Variants in ABCC1 observed in about 807,000 individuals in gnomAD.
ABCC1 encodes ATP binding cassette subfamily C member 1 (ABCC1 blood group), also known as multidrug resistance-associated protein 1.
A neutral mutation model predicts 172.9 loss-of-function variants in ABCC1; 83 were observed. That is an observed-to-expected ratio of 0.48 (90% confidence interval 0.40 to 0.58). The LOEUF is 0.58. Ranked by LOEUF, ABCC1 falls within the 20% of genes least tolerant of loss-of-function variation. ABCC1 has a pLI of 0.00. For synonymous variants in ABCC1, 937 were observed against 825.2 expected, an observed-to-expected ratio of 1.14 and a Z score of -2.32; for missense variants, 1,817 against 2,002.7, an observed-to-expected ratio of 0.91 and a Z score of 1.77.
chr16:16,088,713 T>C (rs7498869), intron 18 of ABCC1, among the ~76,000 whole-genome samples: 13 of 119,398 alleles, frequency 1.1e-4, no homozygotes, highest in Non-Finnish European at 1.3e-4. Context: ...GTATTTTTTT[T>C]CTTTTTTTTT....
chr16:16,115,593 C>G (rs1055952746), intron 23 of ABCC1, among the ~76,000 whole-genome samples: 1 of 152,082 alleles, frequency 6.6e-6, no homozygotes, highest in African/African-American at 2.4e-5. Context: ...GTGATCCACC[C>G]ACCTCGACCT....
intron 22 of ABCC1, 140 bp downstream of exon 22, chr16:16,111,722 C>G (rs981307266): frequency 1.9e-5 from 13 of 699,038 alleles, no homozygotes; most frequent in Non-Finnish European, 3.1e-5. Flanking sequence ...TAGCTGTCAG[C>G]TAGTAGACAC....
intron 17 of ABCC1, 131 bp downstream of exon 17, chr16:16,083,673 C>CAGCG: frequency 2.5e-6 from 3 of 1,178,964 alleles, no homozygotes; most frequent in Non-Finnish European, 3.6e-6. Context: ...GGCGGCTCTG[C>CAGCG]TGCACGCTGC....
At chr16:16,114,644 C>CAGT in intron 22 of ABCC1, 122 bp from the exon 23 acceptor site, 2 of 922,310 alleles carry the variant, frequency 2.2e-6, no homozygotes, top group Non-Finnish European at 3.1e-6. Flanking sequence ...CCTGGTTCAT[C>CAGT]ATTATTATTA....
intron 19 of ABCC1, among the ~76,000 whole-genome samples, chr16:16,101,733 C>T (rs956169237): frequency 1.3e-5 from 2 of 152,132 alleles, no homozygotes; most frequent in Admixed American, 1.3e-4. Flanking sequence ...TTATTGTGAA[C>T]CGGGAAAGAG....
chr16:16,072,839 C>T (rs552315856), intron 14 of ABCC1, among the ~76,000 whole-genome samples: 47 of 151,230 alleles, frequency 3.1e-4, no homozygotes, highest in Non-Finnish European at 4.6e-4. Context: ...GTCAGGAGTT[C>T]GAGATCAGCC....
chr16:16,100,399 G>A (rs1485870114), intron 19 of ABCC1, among the ~76,000 whole-genome samples: 1 of 152,160 alleles, frequency 6.6e-6, no homozygotes, highest in Non-Finnish European at 1.5e-5. Context: ...CCTCCAGATG[G>A]GGGTCCCTGG....
In ABCC1 at chr16:15,999,819, T is replaced by TCTCTCTC. The variant is rs1555478368; in HGVS notation, c.49-7996_49-7990dup. The stretch of plus-strand genomic sequence containing the variant: ...TCTCTCTCTCTCTCTCCTCTCTCTC[T>TCTCTCTC]CTCTCTCTCTCTCTGTCTCTTTCTT... On this transcript the variant is annotated intron_variant, in intron 1 of 30. Transcript: ENST00000399410. Among the ~76,000 whole-genome samples the TCTCTCTC allele has an allele frequency of 1.2e-3, 80 of 68,640 alleles. 4 individuals are homozygous for TCTCTCTC. The highest frequency in any genetic ancestry group is 3.8e-3 in the African/African-American group (79 of 20,744). 45.0% of individuals were successfully genotyped at this position (68,640 alleles called of 152,430 possible).
chr16:16,078,973 G>A (rs529608703), intron 15 of ABCC1, among the ~76,000 whole-genome samples: 4 of 152,300 alleles, frequency 2.6e-5, no homozygotes, highest in East Asian at 1.9e-4. Flanking sequence ...ATGAGCTACC[G>A]TGTCCGGCCC....
At chr16:16,108,463 G>A (rs921859316) in intron 21 of ABCC1, among the ~76,000 whole-genome samples, 4 of 151,376 alleles carry the variant, frequency 2.6e-5, no homozygotes, top group South Asian at 2.1e-4. Context: ...TAGAGATGGC[G>A]TTTCACTATG....
chr16:16,032,918 A>G (rs964007603), intron 5 of ABCC1, among the ~76,000 whole-genome samples, 191 bp from the exon 6 acceptor site: 1 of 152,182 alleles, frequency 6.6e-6, no homozygotes, highest in Non-Finnish European at 1.5e-5. Context: ...TGAAACTGGA[A>G]GAGCTGCCAT....
At chr16:16,067,328 C>G (rs1303740010) in intron 12 of ABCC1, among the ~76,000 whole-genome samples, 1 of 152,170 alleles carries the variant, frequency 6.6e-6, no homozygotes, top group Non-Finnish European at 1.5e-5. Context: ...AATGTCAGAG[C>G]CAGAACACGA....
intron 1 of ABCC1, among the ~76,000 whole-genome samples, chr16:15,998,573 G>C (rs140409922): frequency 1.3e-5 from 2 of 152,168 alleles, no homozygotes; most frequent in Admixed American, 6.6e-5. Context: ...ATTTCCTCTC[G>C]TCATGCCTTC....
intron 7 of ABCC1, among the ~76,000 whole-genome samples, chr16:16,043,241 TTTC>T (rs1472015901): frequency 2.8e-5 from 4 of 144,450 alleles, no homozygotes; most frequent in Admixed American, 2.1e-4. Context: ...TTTTTTTTTT[TTTC>T]CACTGATGTA....
At chr16:16,008,916 T>C (rs536368353) in intron 2 of ABCC1, among the ~76,000 whole-genome samples, 1 of 148,558 alleles carries the variant, frequency 6.7e-6, no homozygotes, top group East Asian at 2.0e-4. Context: ...CCATCACTCA[T>C]AGTCACTGTT....
intron 3 of ABCC1, among the ~76,000 whole-genome samples, chr16:16,012,555 A>C (rs749782415): frequency 2.0e-5 from 3 of 150,124 alleles, no homozygotes; most frequent in Non-Finnish European, 3.0e-5. Context: ...GGCTAGTCTT[A>C]AACTCCCGAG....
chr16:16,070,523 G>A (rs2050303451), intron 13 of ABCC1, among the ~76,000 whole-genome samples: 1 of 152,060 alleles, frequency 6.6e-6, no homozygotes, highest in Admixed American at 6.6e-5. Flanking sequence ...AAATTAGCCA[G>A]GTGTGGTGGC....
At chr16:15,982,824 A>AAAAAAAAAAAAAC (rs2046655505) in intron 1 of ABCC1, among the ~76,000 whole-genome samples, 1 of 144,738 alleles carries the variant, frequency 6.9e-6, no homozygotes, top group Admixed American at 6.9e-5. Context: ...AAAAAAAAAA[A>AAAAAAAAAAAAAC]GGAAATCCAT....
At chr16:16,127,568 G>A (rs1381094164) in intron 26 of ABCC1, among the ~76,000 whole-genome samples, 2 of 152,212 alleles carry the variant, frequency 1.3e-5, no homozygotes, top group Non-Finnish European at 2.9e-5. Context: ...AAAAGCTGAA[G>A]TTACTTGCCC....
Sources: allele counts gnomAD v4.1 joint callset (sites outside exome capture counted in the v4.1 genomes callset), GRCh38; gene constraint gnomAD v4.1.1; transcripts MANE v1.5; gene names NCBI Gene and HGNC (gene_info 2026-07-23, HGNC 2026-07-21).